The following SEMA6A variants were observed in gnomAD, a reference collection of about 807,000 sequenced individuals.
The protein encoded by SEMA6A is semaphorin 6A, also known as semaphorin-6A.
In SEMA6A, 25 loss-of-function variants were observed where a neutral mutation model predicts 96.8. The observed-to-expected ratio is 0.26, with a 90% CI of 0.19 to 0.36. The LOEUF (loss-of-function observed/expected upper bound fraction) is 0.36, where lower values mean the gene tolerates loss of function less well. Ranked by LOEUF, SEMA6A falls within the 10% of genes least tolerant of loss-of-function variation. The pLI is 1.00. For synonymous variants in SEMA6A, 612 were observed against 518.0 expected (o/e 1.18, Z -2.46); for missense variants, 1,363 against 1,323.1 (o/e 1.03, Z -0.47).
intron 1 of SEMA6A, among the ~76,000 whole-genome samples, chr5:116,568,599 G>A (rs1369552045): frequency 6.6e-6 from 1 of 152,202 alleles, no homozygotes; most frequent in Non-Finnish European, 1.5e-5. Flanking sequence ...AATGCTGGCT[G>A]TCTTCTTAGC....
intron 1 of SEMA6A, among the ~76,000 whole-genome samples, chr5:116,505,909 A>G (rs1758124386): frequency 6.6e-6 from 1 of 152,022 alleles, no homozygotes; most frequent in African/African-American, 2.4e-5. Context: ...AATACAGTAA[A>G]TATCACTTAA....
At position 116,447,120 on chromosome 5, in the gene SEMA6A, C is replaced by T; in HGVS notation, c.2586G>A (p.Lys862=). 3.1e-6 allele frequency: 5 copies of T among 1,613,978 alleles called. No homozygotes were observed. The highest frequency in any genetic ancestry group is 4.2e-6 in the Non-Finnish European group (5 of 1,179,884). ...CAAGGTTCACCCCATGGTTGGGACTCTTGCTGCTGAGATGTTCCTTGATGG... is the reference window on the plus strand; with the variant it reads ...CAAGGTTCACCCCATGGTTGGGACTTTTGCTGCTGAGATGTTCCTTGATGG... The part of the protein sequence containing the change: ...YKTIKEHLSS[K]SPNHGVNLVE... Residue 862 remains lysine (K), a synonymous_variant, in exon 19 of 19, where the codon AAG becomes AAA. Coordinates refer to ENST00000343348, the MANE Select transcript of SEMA6A (RefSeq NM_020796.5).
At chr5:116,457,972 C>T (rs1280184580) in intron 18 of SEMA6A, among the ~76,000 whole-genome samples, 2 of 152,154 alleles carry the variant, frequency 1.3e-5, no homozygotes, top group Non-Finnish European at 2.9e-5. Context: ...AGGCCAGTCT[C>T]AGGTATAATG....
intron 1 of SEMA6A, among the ~76,000 whole-genome samples, chr5:116,536,900 A>G (rs1237440195): frequency 6.6e-6 from 1 of 150,442 alleles, no homozygotes; most frequent in Non-Finnish European, 1.5e-5. Context: ...AAAAAGCAAA[A>G]CTGGTGTTCT....
intron 1 of SEMA6A, among the ~76,000 whole-genome samples, chr5:116,524,775 C>CACACACACAGACACACACACACACAG (rs1554090328): frequency 1.1e-4 from 16 of 145,680 alleles, no homozygotes; most frequent in Admixed American, 2.0e-4. Flanking sequence ...TATGTATACA[C>CACACACACAGACACACACACACACAG]ACACACACAC....
chr5:116,510,878 TAAAG>T lies in SEMA6A; in HGVS notation c.-38-5900_-38-5897del, dbSNP rs1447322820. ...CAAAGAAATATAATGATGTGGAAAA[TAAAG>T]AAAGGACTGGGTGGAAGTGGGGGTC... On this transcript the variant is annotated intron_variant, in intron 1 of 18. Transcript: ENST00000343348. Among the ~76,000 whole-genome samples the T allele has an allele frequency of 9.9e-5, 15 of 152,170 alleles. No homozygotes were observed. In the South Asian group the frequency reaches 2.7e-3, roughly 27 times the overall value.
intron 1 of SEMA6A, chr5:116,507,935 T>C (rs936461066): frequency 2.0e-5 from 3 of 152,242 alleles, no homozygotes; most frequent in Admixed American, 2.0e-4. Flanking sequence ...TTCTTCATTT[T>C]AATAGGCATC....
chr5:116,481,325 G>T (rs1756755339), intron 11 of SEMA6A, among the ~76,000 whole-genome samples: 2 of 152,220 alleles, frequency 1.3e-5, no homozygotes, highest in South Asian at 2.1e-4. Flanking sequence ...GAACTATCTA[G>T]AACTATCTAG....
chr5:116,525,858 C>G (rs1580474984), intron 1 of SEMA6A, among the ~76,000 whole-genome samples: 1 of 152,144 alleles, frequency 6.6e-6, no homozygotes, highest in Non-Finnish European at 1.5e-5. Context: ...TTCAGCAATT[C>G]AAATTAAGCA....
intron 3 of SEMA6A, among the ~76,000 whole-genome samples, chr5:116,497,758 G>C (rs1282093248): frequency 6.6e-6 from 1 of 152,096 alleles, no homozygotes; most frequent in Non-Finnish European, 1.5e-5. Context: ...TCAAATACAC[G>C]TACCAAATAC....
At position 116,478,643 on chromosome 5, in the gene SEMA6A, T is replaced by C; in HGVS notation, c.1326A>G (p.Ser442=). The C allele has an allele frequency of 7.4e-6, 12 of 1,613,772 alleles. No individual in the cohort carries two copies. The highest frequency in any genetic ancestry group is 1.0e-5 in the Non-Finnish European group (12 of 1,179,828). ...YQNHTVVFLG[S]EKGIILKFLA... ...AAAACTTCAAGATGATTCCCTTCTC[T>C]GATCCCAGAAAAACCACAGTGTGAT... The change falls in exon 13 of 19, where the codon TCA becomes TCG. Residue 442 remains serine (S), a synonymous_variant. Coordinates refer to ENST00000343348, the MANE Select transcript of SEMA6A (RefSeq NM_020796.5).
rs112319694 is a variant in SEMA6A, at chr5:116,499,935, T to C, written c.218+2275A>G. 6.5e-3 allele frequency among the ~76,000 whole-genome samples: 995 copies of C among 152,322 alleles called. 13 individuals are homozygous for C. The highest frequency in any genetic ancestry group is 0.023 in the African/African-American group (963 of 41,576). On this transcript the variant is annotated intron_variant, in intron 3 of 18. Coordinates refer to ENST00000343348, the MANE Select transcript of SEMA6A (RefSeq NM_020796.5). ...CATCGAGTACAAGGGCAGTCTGTTA[T>C]ACCATTTTTTCCCCCGGAAACTCAA...
At chr5:116,481,951 G>A (rs149916713) in intron 11 of SEMA6A, among the ~76,000 whole-genome samples, 5 of 152,228 alleles carry the variant, frequency 3.3e-5, no homozygotes, top group Admixed American at 1.3e-4. Context: ...CACTGTACCC[G>A]CTGGATTCTT....
chr5:116,455,087 A>G (rs760135714), intron 18 of SEMA6A, among the ~76,000 whole-genome samples: 2 of 152,168 alleles, frequency 1.3e-5, no homozygotes, highest in African/African-American at 2.4e-5. Flanking sequence ...GGATGTCATC[A>G]CAGGGATAGA....
chr5:116,495,797 A>T, intron 5 of SEMA6A: 1 of 388,570 alleles, frequency 2.6e-6, no homozygotes, highest in South Asian at 2.9e-5. Context: ...CCATCATATT[A>T]ATTTTAATGC....
Position 116,488,209 on chromosome 5 carries a change from A to G in SEMA6A, c.656-13T>C, listed in dbSNP as rs1210766848. On this transcript the variant is annotated splice_polypyrimidine_tract_variant and intron_variant, in intron 8 of 18. Coordinates refer to ENST00000343348, the MANE Select transcript of SEMA6A (RefSeq NM_020796.5). Reference sequence around the variant, plus strand: ...ACAAAGTATGGTTCTGTAGACAAACAGGCACTTTAATTGGGAACATGTCAA... The same window carrying G: ...ACAAAGTATGGTTCTGTAGACAAACGGGCACTTTAATTGGGAACATGTCAA... 1.3e-6 allele frequency: 2 copies of G among 1,559,242 alleles called. No individual in the cohort carries two copies. The highest frequency in any genetic ancestry group is 1.4e-5 in the African/African-American group (1 of 73,878).
intron 1 of SEMA6A, among the ~76,000 whole-genome samples, chr5:116,516,178 A>G (rs1039477559): frequency 1.3e-5 from 2 of 152,210 alleles, no homozygotes; most frequent in Non-Finnish European, 2.9e-5. Flanking sequence ...GCTTCTGATT[A>G]TACAAAAAGA....
intron 10 of SEMA6A, among the ~76,000 whole-genome samples, chr5:116,482,808 A>C (rs973716538): frequency 6.6e-6 from 1 of 152,122 alleles, no homozygotes; most frequent in Non-Finnish European, 1.5e-5. Flanking sequence ...GAGGAAAAAA[A>C]CTCTTCATGT....
chr5:116,544,033 A>G (rs988137498), intron 1 of SEMA6A, among the ~76,000 whole-genome samples: 2 of 152,220 alleles, frequency 1.3e-5, no homozygotes, highest in Admixed American at 6.5e-5. Flanking sequence ...AGAAAATAGG[A>G]AAAAAGAATT....
Sources: allele counts gnomAD v4.1 joint callset (sites outside exome capture counted in the v4.1 genomes callset), GRCh38; gene constraint gnomAD v4.1.1; transcripts MANE v1.5; gene names NCBI Gene and HGNC (gene_info 2026-07-23, HGNC 2026-07-21).